The following HLF variants were observed in gnomAD, a reference collection of about 807,000 sequenced individuals.
HLF encodes hepatic leukemia factor.
HLF carries 3 observed loss-of-function variants against 22.6 expected under a neutral mutation model. The ratio of observed to expected loss-of-function variants is 0.13; its 90% CI spans 0.06 to 0.34. The LOEUF is 0.34. HLF is among the 10% of genes least tolerant of loss of function. HLF has a pLI of 1.00. For synonymous variants in HLF, 151 were observed against 151.8 expected (o/e 0.99, Z 0.04); for missense variants, 299 against 389.2 (o/e 0.77, Z 1.95).
intron 1 of HLF, chr17:55,266,014 T>G: frequency 5.1e-6 from 1 of 196,916 alleles, no homozygotes; most frequent in Non-Finnish European, 9.4e-6. Flanking sequence ...GGGGCGGGGG[T>G]CGGCTTGAGG....
intron 2 of HLF, among the ~76,000 whole-genome samples, chr17:55,289,822 A>G (rs1340356568): frequency 6.6e-6 from 1 of 152,164 alleles, no homozygotes; most frequent in Non-Finnish European, 1.5e-5. Context: ...CCTGATTGAG[A>G]TAATTCCAAG....
At chr17:55,282,230 T>A (rs1462649093) in intron 2 of HLF, among the ~76,000 whole-genome samples, 1 of 152,224 alleles carries the variant, frequency 6.6e-6, no homozygotes, top group Non-Finnish European at 1.5e-5. Flanking sequence ...AAAATGCACT[T>A]GTAGTTAATA....
At chr17:55,306,537 A>AGTGTGTGTGT (rs60472672) in intron 2 of HLF, among the ~76,000 whole-genome samples, 14,339 of 143,518 alleles carry the variant, frequency 0.1, 765 homozygotes, top group East Asian at 0.17. Context: ...GCAAAAAGGA[A>AGTGTGTGTGT]GTGTGTGTGT....
At chr17:55,301,314 A>G (rs532623737) in intron 2 of HLF, among the ~76,000 whole-genome samples, 1 of 152,268 alleles carries the variant, frequency 6.6e-6, no homozygotes, top group Non-Finnish European at 1.5e-5. Flanking sequence ...AGCCTGGCTC[A>G]TAGTAGGGGC....
rs1905406246 is a variant in HLF, at chr17:55,324,855, A to G, written c.*3976A>G. 4.3e-6 allele frequency: 1 copy of G among 233,032 alleles called. No individual in the cohort carries two copies. The highest frequency in any genetic ancestry group is 8.5e-6 in the Non-Finnish European group (1 of 117,746). 14.4% of individuals were successfully genotyped at this position (233,032 alleles called of 1,614,324 possible). ...TATGTGTGTGAATAAGTCGACATAAAGTCTTTAATTTTGAGCACCTTACCA... is the reference window on the plus strand; with the variant it reads ...TATGTGTGTGAATAAGTCGACATAAGGTCTTTAATTTTGAGCACCTTACCA... On this transcript the variant is annotated 3_prime_UTR_variant, in exon 4 of 4. Coordinates refer to ENST00000226067, the MANE Select transcript of HLF (RefSeq NM_002126.5).
At chr17:55,280,904 A>G (rs1028892010) in intron 2 of HLF, among the ~76,000 whole-genome samples, 1 of 152,214 alleles carries the variant, frequency 6.6e-6, no homozygotes, top group Non-Finnish European at 1.5e-5. Flanking sequence ...TTTGGAAGAA[A>G]TGTCTAAAAA....
chr17:55,269,431 C>G (rs568584311), intron 2 of HLF, among the ~76,000 whole-genome samples: 27 of 152,180 alleles, frequency 1.8e-4, no homozygotes, highest in African/African-American at 5.1e-4. Flanking sequence ...TTTGTAGGAA[C>G]AAGCAACAAA....
chr17:55,284,621 G>T (rs1036831923), intron 2 of HLF, among the ~76,000 whole-genome samples: 1 of 152,090 alleles, frequency 6.6e-6, no homozygotes, highest in African/African-American at 2.4e-5. Flanking sequence ...TGCAGGGGAG[G>T]GGGACCAAGG....
intron 2 of HLF, among the ~76,000 whole-genome samples, chr17:55,290,658 A>G (rs1422825036): frequency 2.0e-5 from 3 of 152,176 alleles, no homozygotes; most frequent in Non-Finnish European, 4.4e-5. Flanking sequence ...AAGTAGGCCA[A>G]TTAATAACCC....
chr17:55,315,270 T>A lies in HLF; in HGVS notation c.495T>A (p.Asp165Glu), dbSNP rs1339036026. 6.2e-7 allele frequency: 1 copy of A among 1,614,196 alleles called. No individual in the cohort carries two copies. The highest frequency in any genetic ancestry group is 8.5e-7 in the Non-Finnish European group (1 of 1,180,020). The stretch of plus-strand genomic sequence containing the variant: ...ACCGCAATACACCAAGTCCCATTGA[T>A]CCTGACACCATCCAGGTCCCAGTGG... ...PANRNTPSPI[D>E]PDTIQVPVGY... is the part of the protein sequence containing the mutation. Residue 165 changes from aspartate to glutamate, a missense_variant, in exon 3 of 4, where the codon GAT (aspartate) becomes GAA (glutamate). Around this residue, in one of 3 missense-constraint regions of HLF, gnomAD observed 224 missense variants for 298.1 expected, o/e 0.75. Coordinates refer to ENST00000226067, the MANE Select transcript of HLF (RefSeq NM_002126.5).
chr17:55,271,910 C>G (rs1274126392), intron 2 of HLF: 1 of 152,226 alleles, frequency 6.6e-6, no homozygotes, highest in Non-Finnish European at 1.5e-5. Context: ...CCCTATTCCT[C>G]TAACTGTCTG....
intron 2 of HLF, among the ~76,000 whole-genome samples, chr17:55,279,138 A>G (rs2080931409): frequency 6.6e-6 from 1 of 152,242 alleles, no homozygotes; most frequent in Non-Finnish European, 1.5e-5. Flanking sequence ...TGACAACTAA[A>G]TGATTTAAAA....
chr17:55,320,459 C>G lies in HLF; in HGVS notation c.673-205C>G, dbSNP rs781621986. 6.6e-6 allele frequency among the ~76,000 whole-genome samples: 1 copy of G among 152,086 alleles called. No homozygotes were observed. The highest frequency in any genetic ancestry group is 1.5e-5 in the Non-Finnish European group (1 of 68,010). ...AGAGTAGGAGCCTGTTGGGACAGAT[C>G]GGTGGGTCCTTGCTCCAAGAAGGAA... On this transcript the variant is annotated intron_variant, in intron 3 of 3. Transcript: ENST00000226067. The surrounding 1 kb of genome is among the most constrained non-coding windows in gnomAD (Gnocchi z 4.2).
At chr17:55,314,605 A>G (rs1018752187) in intron 2 of HLF, among the ~76,000 whole-genome samples, 17 of 152,196 alleles carry the variant, frequency 1.1e-4, no homozygotes, top group African/African-American at 3.9e-4. Flanking sequence ...TTCTGATTCA[A>G]TGTGACAGCT....
At chr17:55,279,953 G>T (rs888901417) in intron 2 of HLF, among the ~76,000 whole-genome samples, 4 of 152,074 alleles carry the variant, frequency 2.6e-5, no homozygotes, top group Non-Finnish European at 5.9e-5. Context: ...CGGCCAACCC[G>T]CAAAGGTGGT....
intron 2 of HLF, among the ~76,000 whole-genome samples, chr17:55,288,141 T>C (rs1352097211): frequency 6.6e-6 from 1 of 152,114 alleles, no homozygotes; most frequent in Non-Finnish European, 1.5e-5. Context: ...CACTATTTTC[T>C]TTTTTTCTTT....
At chr17:55,275,114 G>A (rs531846216) in intron 2 of HLF, among the ~76,000 whole-genome samples, 66 of 152,166 alleles carry the variant, frequency 4.3e-4, no homozygotes, top group Admixed American at 6.5e-4. Flanking sequence ...TTTGTTTTTT[G>A]AGACAGGGTC....
chr17:55,265,150 T>G lies in HLF; in HGVS notation c.-335T>G. On this transcript the variant is annotated 5_prime_UTR_variant, in exon 1 of 4. Coordinates refer to ENST00000226067, the MANE Select transcript of HLF (RefSeq NM_002126.5). ...TTCTGCCCTTCTGCAGCCGTCGACA[T>G]TTTTTTTTCTTTCTTTTTTTCAATT... The G allele has an allele frequency of 9.5e-6, 2 of 211,162 alleles. No homozygotes were observed. Among genetic ancestry groups the G allele is most frequent in the Non-Finnish European group, 9.5e-6 (1 of 105,184 alleles). 13.1% of individuals were successfully genotyped at this position (211,162 alleles called of 1,614,324 possible).
intron 2 of HLF, among the ~76,000 whole-genome samples, chr17:55,314,374 G>T (rs1904979769): frequency 6.6e-6 from 1 of 152,174 alleles, no homozygotes; most frequent in South Asian, 2.1e-4. Context: ...CCGTTAATGT[G>T]TACACTGTTT....
Sources: gnomAD v4.1 joint callset for allele counts (sites outside exome capture counted in the v4.1 genomes callset) on GRCh38, gnomAD v4.1.1 for gene constraint, gnomAD v4.1.1 regional missense constraint, Gnocchi (gnomAD v3.1) non-coding constraint, MANE v1.5 for transcripts, NCBI Gene and HGNC (gene_info 2026-07-23, HGNC 2026-07-21) for gene names.